Variants in TENT5D observed in about 807,000 individuals in gnomAD.
TENT5D encodes the protein terminal nucleotidyltransferase 5D, also known as cancer/testis antigen 112.
For missense variants in TENT5D, 191 were observed against 287.0 expected (o/e 0.67, Z 2.42); for synonymous variants, 103 against 100.6 (o/e 1.02, Z -0.15).
intron 1 of TENT5D, among the ~76,000 whole-genome samples, chrX:80,430,943 C>A (rs1231979045): frequency 9.0e-6 from 1 of 110,848 alleles, no homozygotes; most frequent in Non-Finnish European, 1.9e-5. Context: ...ACCCTAGGGG[C>A]CTGGGAGAGA....
At chrX:80,371,890 A>T (rs1930630424) in intron 3 of TENT5D, among the ~76,000 whole-genome samples, 1 of 111,502 alleles carries the variant, frequency 9.0e-6, no homozygotes, top group African/African-American at 3.3e-5. Flanking sequence ...TGTTCACTGG[A>T]GTATCACTTT....
At chrX:80,433,934 A>T (rs1001692257) in intron 1 of TENT5D, among the ~76,000 whole-genome samples, 1 of 110,056 alleles carries the variant, frequency 9.1e-6, no homozygotes, top group Non-Finnish European at 1.9e-5. Context: ...CAGGAGTCTG[A>T]GATCAGCCTG....
At chrX:80,419,387 A>G (rs1053185693), upstream of TENT5D, among the ~76,000 whole-genome samples, 4 of 111,993 alleles carry the variant, frequency 3.6e-5, no homozygotes, top group African/African-American at 1.3e-4. Flanking sequence ...CCAGGAAAAC[A>G]TTGAGTAGGT....
rs1381297286 is a variant in TENT5D, at chrX:80,409,226, G to A, written c.-141-29384G>A. On this transcript the variant is annotated intron_variant, in intron 3 of 4. Coordinates refer to the TENT5D transcript ENST00000538312. ...CCCTCTCTCACCACTCCTATTCAAC[G>A]TACTGTTGGAAGTTCTGGCCAGGGC... is the stretch of plus-strand genomic sequence containing the variant. Among the ~76,000 whole-genome samples, 92 of 111,151 alleles carry A rather than the reference G, an allele frequency of 8.3e-4. 2 individuals are homozygous for A. Among genetic ancestry groups the A allele is most frequent in the African/African-American group, 3.0e-3 (92 of 30,567 alleles).
intron 3 of TENT5D, among the ~76,000 whole-genome samples, chrX:80,408,630 C>T (rs1178905564): frequency 9.1e-6 from 1 of 110,301 alleles, no homozygotes; most frequent in African/African-American, 3.3e-5. Flanking sequence ...AAAAAGAGTC[C>T]AGGACCAGAT....
chrX:80,400,013 A>G (rs893651078), intron 3 of TENT5D, among the ~76,000 whole-genome samples: 1 of 111,480 alleles, frequency 9.0e-6, no homozygotes, highest in Non-Finnish European at 1.9e-5. Context: ...AAAGTGGCCA[A>G]GGCATCCCAT....
chrX:80,434,341 CCCT>C (rs1292178314), intron 1 of TENT5D, among the ~76,000 whole-genome samples: 1 of 111,012 alleles, frequency 9.0e-6, no homozygotes, highest in East Asian at 2.8e-4. Context: ...TAAATTGAAG[CCCT>C]CCTCCTCCCA....
At chrX:80,387,047 G>A (rs1931030255) in intron 3 of TENT5D, among the ~76,000 whole-genome samples, 1 of 112,404 alleles carries the variant, frequency 8.9e-6, no homozygotes, top group Non-Finnish European at 1.9e-5. Flanking sequence ...TCATAAGTAT[G>A]CAAAGCTACT....
rs897600741 is a variant in TENT5D at position 80,386,555 on chromosome X, T to TA, written c.-142+43999dup. Among the ~76,000 whole-genome samples, 488 of 109,475 alleles carry TA rather than the reference T, an allele frequency of 4.5e-3. 2 individuals carry two copies. Among genetic ancestry groups the TA allele is most frequent in the African/African-American group, 0.015 (457 of 30,076 alleles). ...ATGTACCCTAGAACTTAAAGTATAA[T>TA]AAAAAAAATAAAAATAAAAAATCTA... On this transcript the variant is annotated intron_variant, in intron 3 of 4. Coordinates refer to the TENT5D transcript ENST00000538312.
intron 3 of TENT5D, among the ~76,000 whole-genome samples, chrX:80,397,771 A>G (rs1243956489): frequency 8.9e-6 from 1 of 112,783 alleles, no homozygotes; most frequent in Non-Finnish European, 1.9e-5. Flanking sequence ...CACCAAAAAA[A>G]TACGAAAACA....
intron 3 of TENT5D, among the ~76,000 whole-genome samples, chrX:80,365,692 T>G (rs1930494032): frequency 9.1e-6 from 1 of 109,301 alleles, no homozygotes; most frequent in African/African-American, 3.3e-5. Flanking sequence ...AATACAAAAA[T>G]TATCCAGGCG....
intron 3 of TENT5D, among the ~76,000 whole-genome samples, chrX:80,394,607 C>T (rs770975289): frequency 3.6e-4 from 39 of 109,143 alleles, no homozygotes; most frequent in African/African-American, 1.0e-3. Context: ...TTGGTCAGGC[C>T]GGTCTCGAAC....
At chrX:80,387,395 T>C (rs1021196042) in intron 3 of TENT5D, among the ~76,000 whole-genome samples, 4 of 111,928 alleles carry the variant, frequency 3.6e-5, no homozygotes, top group African/African-American at 1.3e-4. Context: ...TTTCCAGATA[T>C]TCGAAGGAAC....
intron 3 of TENT5D, among the ~76,000 whole-genome samples, chrX:80,379,116 T>A (rs1393221889): frequency 9.7e-6 from 1 of 102,826 alleles, no homozygotes; most frequent in Non-Finnish European, 2.0e-5. Flanking sequence ...CTGCATTCTC[T>A]TGCAGAAAAG....
intron 3 of TENT5D, among the ~76,000 whole-genome samples, chrX:80,385,114 G>A (rs1345255064): frequency 9.0e-6 from 1 of 111,270 alleles, no homozygotes; most frequent in East Asian, 2.8e-4. Flanking sequence ...GCATTGCCAA[G>A]ACAATCCTAA....
intron 3 of TENT5D, among the ~76,000 whole-genome samples, chrX:80,375,978 T>G (rs1440090952): frequency 9.0e-6 from 1 of 111,701 alleles, no homozygotes; most frequent in East Asian, 2.8e-4. Context: ...TTTATTTGAT[T>G]GAAATATATT....
At chrX:80,391,898 A>G (rs939034165) in intron 3 of TENT5D, among the ~76,000 whole-genome samples, 30 of 112,492 alleles carry the variant, frequency 2.7e-4, no homozygotes, top group Non-Finnish European at 4.5e-4. Context: ...TCTTAAAGCA[A>G]CCTGTCTTTG....
upstream of TENT5D, among the ~76,000 whole-genome samples, chrX:80,417,468 C>G (rs938667992): frequency 2.0e-4 from 21 of 106,686 alleles, no homozygotes; most frequent in Non-Finnish European, 3.9e-4. Flanking sequence ...CCACTTTTAG[C>G]CCTATCTTCA....
chrX:80,415,165 T>C (rs955387510), intron 3 of TENT5D, among the ~76,000 whole-genome samples: 3 of 111,984 alleles, frequency 2.7e-5, no homozygotes, highest in African/African-American at 9.7e-5. Flanking sequence ...TTGATGAAGT[T>C]GTTTATCAGA....
Sources: allele counts gnomAD v4.1 joint callset (sites outside exome capture counted in the v4.1 genomes callset), GRCh38; gene constraint gnomAD v4.1.1; transcripts MANE v1.5; gene names NCBI Gene and HGNC (gene_info 2026-07-23, HGNC 2026-07-21).